The following CNTN5 variants were observed in gnomAD, a reference collection of about 807,000 sequenced individuals.
The protein encoded by CNTN5 is contactin 5, also known as contactin-5.
A neutral mutation model predicts 129.1 loss-of-function variants in CNTN5; 77 were observed. The ratio of observed to expected loss-of-function variants is 0.60; its 90% confidence interval spans 0.50 to 0.72. The LOEUF is 0.72. Ranked by LOEUF, CNTN5 falls within the 30% of genes least tolerant of loss-of-function variation. The probability of loss-of-function intolerance (pLI) is 0.00; values close to 1 mark genes in which losing one functional copy is unlikely to be tolerated. For missense variants in CNTN5, 1,478 were observed against 1,328.8 expected, an observed-to-expected ratio of 1.11 and a Z score of -1.75; for synonymous variants, 509 against 465.6, an observed-to-expected ratio of 1.09 and a Z score of -1.20.
chr11:99,875,351 T>C (rs1395638891), intron 6 of CNTN5, among the ~76,000 whole-genome samples: 1 of 152,214 alleles, frequency 6.6e-6, no homozygotes, highest in African/African-American at 2.4e-5. Flanking sequence ...TGTTTGAATC[T>C]GTTTATCATA....
intron 18 of CNTN5, among the ~76,000 whole-genome samples, chr11:100,278,092 G>A (rs552326699): frequency 6.6e-6 from 1 of 151,964 alleles, no homozygotes; most frequent in Admixed American, 6.6e-5. Context: ...TATGTTCTGA[G>A]AATTTTTATT....
rs77289793 is a variant in CNTN5, at chr11:99,563,653, C to T, written c.55+7384C>T. Reference sequence around the variant, plus strand: ...CAGCCTCAGTTTATCTCTGCAGTACCCATGACGCACTTGATGGTGTTATTT... The same window carrying T: ...CAGCCTCAGTTTATCTCTGCAGTACTCATGACGCACTTGATGGTGTTATTT... On this transcript the variant is annotated intron_variant, in intron 3 of 24. Coordinates refer to ENST00000524871, the MANE Select transcript of CNTN5 (RefSeq NM_014361.4). 8.7e-3 allele frequency among the ~76,000 whole-genome samples: 1,319 copies of T among 152,196 alleles called. 10 individuals carry two copies. The highest frequency in any genetic ancestry group is 0.024 in the Middle Eastern group (7 of 294).
intron 1 of CNTN5, among the ~76,000 whole-genome samples, chr11:99,078,251 G>A (rs1865654811): frequency 6.6e-6 from 1 of 152,062 alleles, no homozygotes; most frequent in South Asian, 2.1e-4. Flanking sequence ...CTGATATTAA[G>A]CATACTACTT....
At chr11:99,721,011 A>G (rs763531260) in intron 3 of CNTN5, among the ~76,000 whole-genome samples, 1 of 152,180 alleles carries the variant, frequency 6.6e-6, no homozygotes, top group African/African-American at 2.4e-5. Context: ...ATGGAAAAAC[A>G]TCCTATTTTC....
chr11:100,330,730 T>G (rs1396993880), intron 21 of CNTN5, among the ~76,000 whole-genome samples: 1 of 152,058 alleles, frequency 6.6e-6, no homozygotes, highest in Non-Finnish European at 1.5e-5. Flanking sequence ...GAAACTAAGC[T>G]TCATAAACAA....
chr11:99,388,594 A>G (rs1263948027), intron 2 of CNTN5, among the ~76,000 whole-genome samples: 1 of 152,174 alleles, frequency 6.6e-6, no homozygotes, highest in Non-Finnish European at 1.5e-5. Flanking sequence ...GGACAAGCCC[A>G]TTGAAATCAG....
intron 4 of CNTN5, among the ~76,000 whole-genome samples, chr11:99,828,564 A>G (rs571902603): frequency 6.6e-6 from 1 of 152,334 alleles, no homozygotes; most frequent in South Asian, 2.1e-4. Flanking sequence ...TAAATTTTAA[A>G]GGGAAGCACC....
chr11:99,514,955 T>C (rs987688207), intron 2 of CNTN5, among the ~76,000 whole-genome samples: 4 of 152,056 alleles, frequency 2.6e-5, no homozygotes, highest in Non-Finnish European at 4.4e-5. Context: ...AAGGAAGATA[T>C]TAGACTTTCA....
chr11:99,259,665 T>G (rs370702075), intron 1 of CNTN5, among the ~76,000 whole-genome samples: 3 of 151,926 alleles, frequency 2.0e-5, no homozygotes, highest in African/African-American at 7.2e-5. Context: ...GGAATGTGTG[T>G]GTGTGTTAGT....
At chr11:100,309,732 A>C in intron 21 of CNTN5, 2 of 983,688 alleles carry the variant, frequency 2.0e-6, no homozygotes, top group Non-Finnish European at 2.4e-6. Context: ...GCCCCTTTCT[A>C]TCCAACCGTA....
chr11:99,506,265 T>C (rs1028406691), intron 2 of CNTN5, among the ~76,000 whole-genome samples: 2 of 152,212 alleles, frequency 1.3e-5, no homozygotes, highest in Non-Finnish European at 2.9e-5. Flanking sequence ...AAAATAAGTA[T>C]TTCCATAATT....
chr11:99,734,891 C>T (rs916292052), intron 3 of CNTN5, among the ~76,000 whole-genome samples: 2 of 152,176 alleles, frequency 1.3e-5, no homozygotes, highest in South Asian at 4.1e-4. Context: ...GCCTGTAGTC[C>T]CAGCTACTAG....
At position 99,379,879 on chromosome 11, in the gene CNTN5, T is replaced by C. The variant is rs1940423972; in HGVS notation, c.-71+54395T>C. On this transcript the variant is annotated intron_variant, in intron 2 of 24. Transcript: ENST00000524871. ...GGAGGCTGAGGCATATGTATGTGTG[T>C]GAATACATATGTGCCATATAAAGGT... Among the ~76,000 whole-genome samples, 3 of 151,854 alleles carry C rather than the reference T, an allele frequency of 2.0e-5. No homozygotes were observed. In the South Asian group the frequency reaches 6.2e-4, roughly 32 times the overall value.
chr11:99,301,027 A>C (rs1864611011), intron 1 of CNTN5, among the ~76,000 whole-genome samples: 1 of 151,852 alleles, frequency 6.6e-6, no homozygotes, highest in African/African-American at 2.4e-5. Context: ...TATACTATTG[A>C]TATTAAGTTG....
rs183954363 is a variant in CNTN5 at position 99,982,672 on chromosome 11, G to C, written c.878-19362G>C. On this transcript the variant is annotated intron_variant, in intron 8 of 24. Coordinates refer to ENST00000524871, the MANE Select transcript of CNTN5 (RefSeq NM_014361.4). ...GTGTATTTTTTTGAGATGGAGTCTG[G>C]CTCTGTCACCCAGGCTGGAGTGCAG... is the stretch of plus-strand genomic sequence containing the variant. Among the ~76,000 whole-genome samples the C allele has an allele frequency of 1.2e-3, 179 of 152,080 alleles. 2 individuals carry two copies. The highest frequency in any genetic ancestry group is 3.9e-3 in the African/African-American group (163 of 41,472).
intron 7 of CNTN5, among the ~76,000 whole-genome samples, chr11:99,931,430 G>T (rs901609215): frequency 7.2e-5 from 11 of 151,976 alleles, no homozygotes; most frequent in South Asian, 2.1e-4. Context: ...AATAACCTTG[G>T]TTTTTTTTAC....
chr11:99,421,412 T>G, intron 2 of CNTN5, among the ~76,000 whole-genome samples: 1 of 152,184 alleles, frequency 6.6e-6, no homozygotes, highest in East Asian at 1.9e-4. Flanking sequence ...ACATCCTTGT[T>G]GTAGAAGGAA....
intron 3 of CNTN5, among the ~76,000 whole-genome samples, chr11:99,580,182 A>C (rs956530623): frequency 3.3e-5 from 5 of 152,160 alleles, no homozygotes; most frequent in African/African-American, 9.7e-5. Context: ...GATGAAGCCC[A>C]CTTGATCATG....
At chr11:100,078,230 T>C (rs2137911968) in intron 13 of CNTN5, among the ~76,000 whole-genome samples, 1 of 152,286 alleles carries the variant, frequency 6.6e-6, no homozygotes, top group Middle Eastern at 3.4e-3. Context: ...TTTATGTGTA[T>C]ATATTTTGCT....
Sources: gnomAD v4.1 joint callset for allele counts (sites outside exome capture counted in the v4.1 genomes callset) on GRCh38, gnomAD v4.1.1 for gene constraint, MANE v1.5 for transcripts, NCBI Gene and HGNC (gene_info 2026-07-23, HGNC 2026-07-21) for gene names.